Variants in TXLNA observed in about 807,000 individuals in gnomAD.
The protein encoded by TXLNA is alpha-taxilin.
A neutral mutation model predicts 61.4 loss-of-function variants in TXLNA; 9 were observed. The observed-to-expected ratio is 0.15, with a 90% CI of 0.09 to 0.26. The LOEUF is 0.26. Among genes scored for constraint, TXLNA ranks in the 10% least tolerant of loss-of-function variants. The pLI, the probability that TXLNA is intolerant of heterozygous loss-of-function variation, is 1.00. For synonymous variants in TXLNA, 257 were observed against 267.7 expected (o/e 0.96, Z 0.39); for missense variants, 565 against 688.8 (o/e 0.82, Z 2.01).
intron 9 of TXLNA, 112 bp from the exon 10 acceptor site, chr1:32,193,953 T>G (rs919066840): frequency 4.9e-6 from 4 of 815,368 alleles, no homozygotes; most frequent in Admixed American, 2.4e-5. Flanking sequence ...GCCTTGCGCC[T>G]TGGGATCAAT....
At chr1:32,193,161 C>T (rs748245676) in intron 8 of TXLNA, 47 bp from the exon 9 acceptor site, 2 of 1,341,400 alleles carry the variant, frequency 1.5e-6, no homozygotes, top group South Asian at 1.2e-5. Context: ...ACCAGAGTGC[C>T]TCCCAGAGAA....
chr1:32,192,681 C>G lies in TXLNA; in HGVS notation c.1108C>G (p.Gln370Glu), dbSNP rs761838131. The G allele has an allele frequency of 1.4e-5, 22 of 1,614,072 alleles. No individual in the cohort carries two copies. Among genetic ancestry groups the G allele is most frequent in the Non-Finnish European group, 1.9e-5 (22 of 1,180,032 alleles). Residue 370 changes from glutamine to glutamate, a missense_variant, in exon 8 of 11, where the codon CAG (glutamine) becomes GAG (glutamate). Transcript: ENST00000373610. The surrounding 1 kb of genome is among the most constrained non-coding windows in gnomAD (Gnocchi z 4.2). Reference protein sequence around the residue: ...DFLLKEAVESQRMCELMKQQE... With the variant: ...DFLLKEAVESERMCELMKQQE... ...GCTCCTGAAAGAGGCAGTAGAGTCC[C>G]AGAGGATGTGTGAGCTGATGAAGCA...
At chr1:32,189,947 C>T (rs895689913) in intron 5 of TXLNA, 108 bp from the exon 6 acceptor site, 17 of 1,215,624 alleles carry the variant, frequency 1.4e-5, no homozygotes, top group South Asian at 3.0e-5. Flanking sequence ...GGCTACTCCA[C>T]GCTTTGGGAG....
chr1:32,185,048 C>T (rs1384222915), intron 4 of TXLNA, among the ~76,000 whole-genome samples: 2 of 152,338 alleles, frequency 1.3e-5, no homozygotes, highest in Middle Eastern at 3.4e-3. Flanking sequence ...AGAAACTAGA[C>T]TAGCTGTCTT....
rs1642997028 is a variant in TXLNA at position 32,195,389 on chromosome 1, A to G, written c.*194A>G. On this transcript the variant is annotated 3_prime_UTR_variant, in exon 11 of 11. Coordinates refer to ENST00000373610, the MANE Select transcript of TXLNA (RefSeq NM_175852.4). ...GCATTTTGCAAGGCCTTGCAAATGC[A>G]TTTATACCTGTAAGTGTACAGTGGG... The G allele has an allele frequency of 1.6e-6, 1 of 612,972 alleles. No individual in the cohort carries two copies. Among genetic ancestry groups the G allele is most frequent in the Admixed American group, 3.0e-5 (1 of 33,204 alleles). The allele number at this position is 612,972 out of a possible 1,614,324, so 38.0% of individuals were successfully genotyped here. A position where few individuals can be genotyped will look rare whatever the true frequency, so the allele number is the denominator to read the frequency against.
chr1:32,180,572 G>GCTTCTGGA, intron 2 of TXLNA, 58 bp downstream of exon 2: 1 of 1,522,984 alleles, frequency 6.6e-7, no homozygotes, highest in Non-Finnish European at 8.8e-7. Context: ...GGTCGGCCTC[G>GCTTCTGGA]CTTCTGGACT....
Position 32,181,502 on chromosome 1 carries a change from G to C in TXLNA, c.430G>C (p.Glu144Gln). The change falls in exon 3 of 11, where the codon GAG becomes CAG. Residue 144 changes from glutamate to glutamine, a missense_variant. Glu to Gln is a conservative substitution (Grantham distance 29). Transcript: ENST00000373610. ...EPSKGDPNTE[E>Q]IRQSDEVGDR... ...CTCCAAGGGGGATCCAAACACAGAA[G>C]AGATCCGGCAGAGTGACGAGGTCGG... 6.2e-7 allele frequency: 1 copy of C among 1,607,198 alleles called. No homozygotes were observed. The highest frequency in any genetic ancestry group is 8.5e-7 in the Non-Finnish European group (1 of 1,176,646).
intron 3 of TXLNA, 92 bp downstream of exon 3, chr1:32,181,669 G>C: frequency 8.1e-7 from 1 of 1,232,110 alleles, no homozygotes; most frequent in Non-Finnish European, 1.1e-6. Context: ...AGGATTCAAA[G>C]GAAAACGGTA....
chr1:32,181,248 A>C lies in TXLNA; in HGVS notation c.176A>C (p.Gln59Pro). Reference protein sequence around the residue: ...SQAPRKPEGAQARTAQSGALR... With the variant: ...SQAPRKPEGAPARTAQSGALR... ...TCATCCTCTCCTGCTGTAGGGGCTC[A>C]AGCCAGAACGGCTCAGTCTGGGGCC... Residue 59 changes from glutamine (Q) to proline (P), a missense_variant, in exon 3 of 11, where the codon CAA becomes CCA. Physicochemically the swap from Gln to Pro is moderately conservative, Grantham distance 76 (BLOSUM62 -1). Around this residue, in one of 2 missense-constraint regions of TXLNA, gnomAD observed 192 missense variants for 184.8 expected, o/e 1.04. Coordinates refer to ENST00000373610, the MANE Select transcript of TXLNA (RefSeq NM_175852.4). 6.4e-7 allele frequency: 1 copy of C among 1,574,268 alleles called. No homozygotes were observed.
intron 10 of TXLNA, 89 bp from the exon 11 acceptor site, chr1:32,194,813 C>T (rs563402337): frequency 6.8e-7 from 1 of 1,475,818 alleles, no homozygotes; most frequent in Admixed American, 2.1e-5. Flanking sequence ...GGTCTGCTCT[C>T]AGCCTTGTTA....
chr1:32,180,306 T>G lies in TXLNA; in HGVS notation c.-32-8T>G, dbSNP rs1642624729. ...TCTGGAAAATAGCAACTGTGTTTGTTTCTAAAGGATCTTCTCCTGACCCAG... is the reference window on the plus strand; with the variant it reads ...TCTGGAAAATAGCAACTGTGTTTGTGTCTAAAGGATCTTCTCCTGACCCAG... On this transcript the variant is annotated splice_region_variant and splice_polypyrimidine_tract_variant and intron_variant, in intron 1 of 10. Transcript: ENST00000373610. The G allele has an allele frequency of 6.4e-7, 1 of 1,558,444 alleles. No individual in the cohort carries two copies. Among genetic ancestry groups the G allele is most frequent in the Non-Finnish European group, 8.7e-7 (1 of 1,154,944 alleles).
intron 2 of TXLNA, among the ~76,000 whole-genome samples, 177 bp downstream of exon 2, chr1:32,180,691 T>A (rs1642636566): frequency 6.6e-6 from 1 of 152,226 alleles, no homozygotes; most frequent in South Asian, 2.1e-4. Context: ...CTGCCCCCTC[T>A]AAGCACAGGA....
At chr1:32,186,732 A>T (rs1040581940) in intron 4 of TXLNA, among the ~76,000 whole-genome samples, 1 of 152,216 alleles carries the variant, frequency 6.6e-6, no homozygotes, top group African/African-American at 2.4e-5. Flanking sequence ...AGGTGATGGT[A>T]GTCCTGGACT....
chr1:32,188,193 G>T, intron 5 of TXLNA, 69 bp downstream of exon 5: 1 of 1,471,422 alleles, frequency 6.8e-7, no homozygotes, highest in South Asian at 1.3e-5. Flanking sequence ...TCTTTCATGG[G>T]CTTTCCTCTT....
chr1:32,184,757 C>T, intron 4 of TXLNA, 141 bp downstream of exon 4: 2 of 564,838 alleles, frequency 3.5e-6, no homozygotes, highest in Non-Finnish European at 6.4e-6. Flanking sequence ...AATGGGGAAT[C>T]ACTTCCAGCC....
At chr1:32,191,253 G>A (rs1246924537) in intron 6 of TXLNA, among the ~76,000 whole-genome samples, 1 of 152,186 alleles carries the variant, frequency 6.6e-6, no homozygotes, top group Non-Finnish European at 1.5e-5. Flanking sequence ...TTACAGGGCT[G>A]GCAGAGGACC....
At chr1:32,187,535 C>G (rs1183477522) in intron 4 of TXLNA, among the ~76,000 whole-genome samples, 2 of 152,064 alleles carry the variant, frequency 1.3e-5, no homozygotes, top group African/African-American at 4.8e-5. Context: ...GCAGCGCTAA[C>G]GTTTTGAAGG....
chr1:32,189,477 C>G (rs1488018120), intron 5 of TXLNA, among the ~76,000 whole-genome samples: 4 of 152,004 alleles, frequency 2.6e-5, no homozygotes, highest in African/African-American at 9.7e-5. Flanking sequence ...CTTAGGAGAT[C>G]CGACTTGCTT....
intron 6 of TXLNA, among the ~76,000 whole-genome samples, chr1:32,191,876 A>C (rs1210606642): frequency 6.6e-6 from 1 of 152,212 alleles, no homozygotes; most frequent in African/African-American, 2.4e-5. Flanking sequence ...TTGGGGATGC[A>C]CATGTCTAGT....
Sources: gnomAD v4.1 joint callset for allele counts (sites outside exome capture counted in the v4.1 genomes callset) on GRCh38, gnomAD v4.1.1 for gene constraint, gnomAD v4.1.1 regional missense constraint, Gnocchi (gnomAD v3.1) non-coding constraint, MANE v1.5 for transcripts, NCBI Gene and HGNC (gene_info 2026-07-23, HGNC 2026-07-21) for gene names.